Variants in TUSC3 observed in about 807,000 individuals in gnomAD.
TUSC3 encodes dolichyl-diphosphooligosaccharide--protein glycosyltransferase subunit TUSC3.
TUSC3 carries 45 observed loss-of-function variants against 44.8 expected under a neutral mutation model. That is an observed-to-expected ratio of 1.00 (90% confidence interval 0.79 to 1.29). TUSC3 has a LOEUF of 1.29. TUSC3 is among the 50% of genes most tolerant of loss of function. The pLI, the probability that TUSC3 is intolerant of heterozygous loss-of-function variation, is 0.00. For missense variants in TUSC3, 519 were observed against 437.9 expected, an observed-to-expected ratio of 1.19 and a Z score of -1.65; for synonymous variants, 212 against 152.9, an observed-to-expected ratio of 1.39 and a Z score of -2.85.
chr8:15,661,803 TA>T (rs1807439549), intron 4 of TUSC3, among the ~76,000 whole-genome samples: 1 of 5,926 alleles, frequency 1.7e-4, no homozygotes, highest in South Asian at 1.3e-3. Flanking sequence ...CTAGTTTGTC[TA>T]TATATATATA....
rs75856023 is a variant in TUSC3 at position 15,483,105 on chromosome 8, G to A, written n.92-281G>A. Reference sequence around the variant, plus strand: ...ACACATTGAACAGGAAAAGAGAAACGGGAAGAAAAGAATAATTTGAGAGGA... The same window carrying A: ...ACACATTGAACAGGAAAAGAGAAACAGGAAGAAAAGAATAATTTGAGAGGA... On this transcript the variant is annotated intron_variant and non_coding_transcript_variant, in intron 1 of 5. Coordinates refer to the TUSC3 transcript ENST00000503191. 0.01 allele frequency among the ~76,000 whole-genome samples: 1,582 copies of A among 152,056 alleles called. 67 individuals carry two copies. The East Asian group carries it at 0.14, about 14-fold the overall frequency.
chr8:15,530,838 G>A (rs1288795906), intron 2 of TUSC3, among the ~76,000 whole-genome samples: 1 of 152,128 alleles, frequency 6.6e-6, no homozygotes, highest in Non-Finnish European at 1.5e-5. Flanking sequence ...AGTAAATAAA[G>A]ATGGTTATGC....
intron 6 of TUSC3, among the ~76,000 whole-genome samples, chr8:15,722,122 C>G (rs903801804): frequency 6.6e-6 from 1 of 151,918 alleles, no homozygotes; most frequent in African/African-American, 2.4e-5. Context: ...TCCTAGGATC[C>G]TGGGAGTTTT....
At chr8:15,612,833 G>T (rs910272180) in intron 1 of TUSC3, among the ~76,000 whole-genome samples, 1 of 151,868 alleles carries the variant, frequency 6.6e-6, no homozygotes, top group African/African-American at 2.4e-5. Flanking sequence ...TGGACTGTAT[G>T]TCCCATCTTG....
intron 1 of TUSC3, among the ~76,000 whole-genome samples, chr8:15,560,498 C>T (rs1047337390): frequency 1.3e-5 from 2 of 150,976 alleles, no homozygotes; most frequent in South Asian, 2.1e-4. Context: ...TTGCTCTTCT[C>T]GAGAAGTATC....
intron 2 of TUSC3, among the ~76,000 whole-genome samples, chr8:15,507,023 G>T (rs1400103960): frequency 6.6e-6 from 1 of 152,146 alleles, no homozygotes; most frequent in Admixed American, 6.5e-5. Context: ...AATTTCCTCT[G>T]TATCTTTGGG....
In TUSC3 at chr8:15,417,729, T is replaced by C. The variant is rs143739038; in HGVS notation, n.91+424T>C. Among the ~76,000 whole-genome samples the C allele has an allele frequency of 8.2e-4, 125 of 152,348 alleles. No homozygotes were observed. In the East Asian group the frequency reaches 0.022, roughly 27 times the overall value. On this transcript the variant is annotated intron_variant and non_coding_transcript_variant, in intron 1 of 5. Transcript: ENST00000503191. ...GCTTCAGGACTTCAAAGAGATAGTA[T>C]GCACAGCTGGTAGGATATTCTGTGG...
chr8:15,752,082 CA>C (rs1483671661), intron 9 of TUSC3, among the ~76,000 whole-genome samples: 10 of 152,056 alleles, frequency 6.6e-5, no homozygotes, highest in African/African-American at 2.4e-4. Flanking sequence ...TAAAGTGTCA[CA>C]AGCTAAGTGG....
chr8:15,678,053 G>C (rs73528515), intron 6 of TUSC3, among the ~76,000 whole-genome samples: 4,455 of 152,262 alleles, frequency 0.029, 67 homozygotes, highest in East Asian at 0.048. Context: ...CAAAAAACAT[G>C]TTTATCCAGT....
In TUSC3 at chr8:15,764,248, T is replaced by A; in HGVS notation, c.*92T>A. 1 of 1,602,888 alleles carries A rather than the reference T, an allele frequency of 6.2e-7. No homozygotes were observed. On this transcript the variant is annotated 3_prime_UTR_variant, in exon 11 of 11. Coordinates refer to ENST00000503731, the MANE Select transcript of TUSC3 (RefSeq NM_006765.4). The stretch of plus-strand genomic sequence containing the variant: ...AAGTGGGATTTGCATAAAGTGAATG[T>A]TTACCATGAAGATAAACTGTTCCTG...
At chr8:15,716,522 A>G (rs1810067475) in intron 6 of TUSC3, among the ~76,000 whole-genome samples, 1 of 151,078 alleles carries the variant, frequency 6.6e-6, no homozygotes, top group Non-Finnish European at 1.5e-5. Context: ...AAATTGAGTA[A>G]GTGTGTATAA....
chr8:15,484,579 C>T (rs1487872374), intron 2 of TUSC3, among the ~76,000 whole-genome samples: 1 of 152,182 alleles, frequency 6.6e-6, no homozygotes. Context: ...CGGTGTAGGG[C>T]ATAGATAAAA....
At chr8:15,553,648 T>TA (rs762538237) in intron 1 of TUSC3, among the ~76,000 whole-genome samples, 6 of 151,672 alleles carry the variant, frequency 4.0e-5, no homozygotes, top group African/African-American at 7.2e-5. Context: ...ATTGCAGTGT[T>TA]ACAGTGAACA....
At chr8:15,837,270 T>A in the TUSC3 span, among the ~76,000 whole-genome samples, 1 of 152,264 alleles carries the variant, frequency 6.6e-6, no homozygotes, top group Admixed American at 6.5e-5. Flanking sequence ...ATCATTCAGT[T>A]TTTTCTTATG....
chr8:15,720,195 T>TACAC (rs1466395656), intron 6 of TUSC3, among the ~76,000 whole-genome samples: 5 of 101,390 alleles, frequency 4.9e-5, no homozygotes, highest in African/African-American at 1.8e-4. Flanking sequence ...ATAGTGTATA[T>TACAC]ATATATACAC....
chr8:15,728,105 T>G (rs1484115490), intron 6 of TUSC3, among the ~76,000 whole-genome samples: 1 of 152,198 alleles, frequency 6.6e-6, no homozygotes, highest in Non-Finnish European at 1.5e-5. Flanking sequence ...AAGAAATACA[T>G]AGGTTTCTTG....
chr8:15,617,140 T>TGTGTGTGTGTGTGTGTGTGTGTA (rs1563136021), intron 1 of TUSC3, among the ~76,000 whole-genome samples: 6 of 8,142 alleles, frequency 7.4e-4, no homozygotes, highest in Admixed American at 1.7e-3. Flanking sequence ...GTGTATATAT[T>TGTGTGTGTGTGTGTGTGTGTGTA]TTTTTTTTTT....
At chr8:15,619,806 G>A (rs954915475) in intron 1 of TUSC3, among the ~76,000 whole-genome samples, 2 of 152,006 alleles carry the variant, frequency 1.3e-5, no homozygotes, top group African/African-American at 2.4e-5. Flanking sequence ...CACCGTGCCC[G>A]GCCTATTCCA....
chr8:15,592,418 G>C (rs1230734787), intron 1 of TUSC3, among the ~76,000 whole-genome samples: 1 of 152,288 alleles, frequency 6.6e-6, no homozygotes, highest in Middle Eastern at 3.4e-3. Flanking sequence ...CACCTGGTGG[G>C]AGGTGTTTGG....
Sources: gnomAD v4.1 joint callset for allele counts (sites outside exome capture counted in the v4.1 genomes callset) on GRCh38, gnomAD v4.1.1 for gene constraint, MANE v1.5 for transcripts, NCBI Gene and HGNC (gene_info 2026-07-23, HGNC 2026-07-21) for gene names.